Variants in PRKCA observed in about 807,000 individuals in gnomAD.
PRKCA encodes the protein protein kinase C alpha type.
PRKCA carries 27 observed loss-of-function variants against 87.0 expected under a neutral mutation model. The ratio of observed to expected loss-of-function variants is 0.31; its 90% confidence interval spans 0.23 to 0.43. The LOEUF is 0.43. PRKCA is among the 20% of genes least tolerant of loss of function. PRKCA has a pLI of 1.00. For synonymous variants in PRKCA, 329 were observed against 311.1 expected, an observed-to-expected ratio of 1.06 and a Z score of -0.61; for missense variants, 518 against 852.3, an observed-to-expected ratio of 0.61 and a Z score of 4.88.
intron 2 of PRKCA, among the ~76,000 whole-genome samples, chr17:66,432,193 C>T (rs909618654): frequency 9.9e-5 from 15 of 152,190 alleles, no homozygotes; most frequent in African/African-American, 3.4e-4. Flanking sequence ...TCTTGGGAAG[C>T]GTGAAGTTCG....
intron 2 of PRKCA, among the ~76,000 whole-genome samples, chr17:66,317,424 G>GTAGCA (rs1441602076): frequency 6.6e-6 from 1 of 152,206 alleles, no homozygotes; most frequent in Non-Finnish European, 1.5e-5. Context: ...TGAACTTACA[G>GTAGCA]TGTACTACCA....
chr17:66,391,466 G>A (rs1487404646), intron 2 of PRKCA, among the ~76,000 whole-genome samples: 1 of 152,044 alleles, frequency 6.6e-6, no homozygotes, highest in Non-Finnish European at 1.5e-5. Flanking sequence ...GCCAAGGGTC[G>A]GTAGGGTCAG....
intron 2 of PRKCA, among the ~76,000 whole-genome samples, chr17:66,434,080 C>G (rs149239510): frequency 6.6e-6 from 1 of 152,154 alleles, no homozygotes; most frequent in East Asian, 1.9e-4. Flanking sequence ...AGCCTGAGCT[C>G]TTTCTCTCCT....
chr17:66,791,470 G>A (rs982262526), intron 16 of PRKCA, among the ~76,000 whole-genome samples: 2 of 152,238 alleles, frequency 1.3e-5, no homozygotes, highest in African/African-American at 4.8e-5. Flanking sequence ...GCACGTGGCT[G>A]CAGGGAGACC....
intron 5 of PRKCA, among the ~76,000 whole-genome samples, chr17:66,662,526 T>A (rs2143907101): frequency 6.6e-6 from 1 of 152,280 alleles, no homozygotes; most frequent in Middle Eastern, 3.4e-3. Flanking sequence ...TCATTTCTTT[T>A]CTGTATCAAT....
intron 3 of PRKCA, among the ~76,000 whole-genome samples, chr17:66,532,851 C>T (rs969810960): frequency 2.0e-5 from 3 of 152,172 alleles, no homozygotes; most frequent in Non-Finnish European, 2.9e-5. Flanking sequence ...GGCCTTTCTT[C>T]AGGGGTTTAT....
intron 8 of PRKCA, among the ~76,000 whole-genome samples, chr17:66,723,087 G>A (rs968251087): frequency 6.6e-6 from 1 of 152,170 alleles, no homozygotes; most frequent in African/African-American, 2.4e-5. Context: ...GGGAGCCCAC[G>A]GGGATGTGCC....
intron 2 of PRKCA, among the ~76,000 whole-genome samples, chr17:66,426,898 T>C (rs1912837983): frequency 6.6e-6 from 1 of 152,190 alleles, no homozygotes; most frequent in Non-Finnish European, 1.5e-5. Context: ...AGGAACTTCG[T>C]AGGTGGTTGA....
intron 3 of PRKCA, among the ~76,000 whole-genome samples, chr17:66,631,547 T>C (rs1228231660): frequency 6.6e-6 from 1 of 152,150 alleles, no homozygotes; most frequent in East Asian, 1.9e-4. Flanking sequence ...GCCTCCCAAA[T>C]AGCTGGGACC....
At chr17:66,376,492 C>T (rs971646683) in intron 2 of PRKCA, among the ~76,000 whole-genome samples, 4 of 151,976 alleles carry the variant, frequency 2.6e-5, no homozygotes, top group Non-Finnish European at 5.9e-5. Context: ...CCTGTAAGTC[C>T]AGCTACTTGG....
intron 6 of PRKCA, 132 bp from the exon 7 acceptor site, chr17:66,688,170 G>A (rs369334940): frequency 1.8e-6 from 2 of 1,130,262 alleles, no homozygotes; most frequent in East Asian, 5.1e-5. Flanking sequence ...AGCATAAGGG[G>A]TTGGTATTTT....
chr17:66,414,273 G>T (rs912232286), intron 2 of PRKCA, among the ~76,000 whole-genome samples: 15 of 152,104 alleles, frequency 9.9e-5, no homozygotes, highest in African/African-American at 3.6e-4. Flanking sequence ...TCACCTTGGT[G>T]CTGTGAGTGA....
intron 1 of PRKCA, among the ~76,000 whole-genome samples, chr17:66,305,266 T>C (rs1904753734): frequency 6.6e-6 from 1 of 152,216 alleles, no homozygotes; most frequent in Admixed American, 6.5e-5. Context: ...GAGTTAGATA[T>C]GGTTTTTAGT....
chr17:66,761,370 A>G (rs76580895), intron 13 of PRKCA, among the ~76,000 whole-genome samples: 1 of 148,276 alleles, frequency 6.7e-6, no homozygotes, highest in Non-Finnish European at 1.5e-5. Context: ...CTCCGTCTCA[A>G]AAAAAAAAAA....
At position 66,368,364 on chromosome 17, in the gene PRKCA, G is replaced by GTATA. The variant is rs765889045; in HGVS notation, c.205+62257_205+62260dup. ...TGTGTGTGTGTGTGTGTGTGTATAT[G>GTATA]TATATATATATATATATATATATTT... is the stretch of plus-strand genomic sequence containing the variant. On this transcript the variant is annotated intron_variant, in intron 2 of 16. Transcript: ENST00000413366. Among the ~76,000 whole-genome samples the GTATA allele has an allele frequency of 2.0e-3, 88 of 44,512 alleles. 1 individual carries two copies. The highest frequency in any genetic ancestry group is 0.028 in the Middle Eastern group (1 of 36). 29.2% of individuals were successfully genotyped at this position (44,512 alleles called of 152,430 possible). A position where few individuals can be genotyped will look rare whatever the true frequency, so the allele number is the denominator to read the frequency against.
intron 2 of PRKCA, among the ~76,000 whole-genome samples, chr17:66,468,370 G>A (rs987618997): frequency 5.9e-5 from 9 of 152,168 alleles, no homozygotes; most frequent in Admixed American, 3.3e-4. Context: ...TGACTGGGTC[G>A]CTGGCTGTGG....
chr17:66,371,687 A>C (rs1011546497), intron 2 of PRKCA, among the ~76,000 whole-genome samples: 5 of 152,226 alleles, frequency 3.3e-5, no homozygotes, highest in African/African-American at 1.2e-4. Flanking sequence ...ATAAAGCGAC[A>C]CTGTGACTGT....
At chr17:66,515,125 C>T (rs983876828) in intron 3 of PRKCA, among the ~76,000 whole-genome samples, 4 of 151,842 alleles carry the variant, frequency 2.6e-5, no homozygotes, top group Admixed American at 1.3e-4. Flanking sequence ...GCATGGTGGC[C>T]TGCGCCTCTA....
At chr17:66,739,455 G>A (rs536576896) in intron 11 of PRKCA, among the ~76,000 whole-genome samples, 38 of 152,334 alleles carry the variant, frequency 2.5e-4, no homozygotes, top group Non-Finnish European at 1.8e-4. Context: ...CTCTGCACCA[G>A]GCACTGGGGT....
Sources: allele counts gnomAD v4.1 joint callset (sites outside exome capture counted in the v4.1 genomes callset), GRCh38; gene constraint gnomAD v4.1.1; transcripts MANE v1.5; gene names NCBI Gene and HGNC (gene_info 2026-07-23, HGNC 2026-07-21).